Variants in LRATD2 observed in about 807,000 individuals in gnomAD.
LRATD2 encodes LRAT domain containing 2.
LRATD2 carries 10 observed loss-of-function variants against 12.0 expected under a neutral mutation model. The ratio of observed to expected loss-of-function variants is 0.83; its 90% CI spans 0.51 to 1.41. The LOEUF is 1.41. Among genes scored for constraint, LRATD2 ranks in the 40% most tolerant of loss-of-function variants. The probability of loss-of-function intolerance (pLI) is 0.00; values close to 1 mark genes in which losing one functional copy is unlikely to be tolerated. For missense variants in LRATD2, 455 were observed against 446.1 expected, an observed-to-expected ratio of 1.02 and a Z score of -0.18; for synonymous variants, 220 against 205.8, an observed-to-expected ratio of 1.07 and a Z score of -0.59.
rs1379277744 is a variant in LRATD2 at position 126,556,399 on chromosome 8, G to C, written c.*58C>G. ...AGAGGGAGGAAGAGAGGGAGAAAGG[G>C]AGCAGCGGCTGCTACTGCAAACAGT... On this transcript the variant is annotated 3_prime_UTR_variant, in exon 2 of 2. Transcript: ENST00000304916. The surrounding 1 kb of genome is among the most constrained non-coding windows in gnomAD (Gnocchi z 5.6). 1.0e-5 allele frequency: 15 copies of C among 1,475,460 alleles called. No individual in the cohort carries two copies. The highest frequency in any genetic ancestry group is 1.5e-5 in the African/African-American group (1 of 68,584). 91.4% of individuals were successfully genotyped at this position (1,475,460 alleles called of 1,614,324 possible).
chr8:126,556,927 G>C lies in LRATD2; in HGVS notation c.463C>G (p.Leu155Val). 6.2e-7 allele frequency: 1 copy of C among 1,610,256 alleles called. No individual in the cohort carries two copies. The highest frequency in any genetic ancestry group is 8.5e-7 in the Non-Finnish European group (1 of 1,179,964). The change falls in exon 2 of 2, where the codon CTG becomes GTG. Residue 155 changes from leucine to valine, a missense_variant. Transcript: ENST00000304916. The surrounding 1 kb of genome is among the most constrained non-coding windows in gnomAD (Gnocchi z 5.6). Reference sequence around the variant, plus strand: ...CGACGGCCCTGGCTGGCGTCAGTCAGGAAGCTGTTAATCACCTCCAGCCGG... The same window carrying C: ...CGACGGCCCTGGCTGGCGTCAGTCACGAAGCTGTTAATCACCTCCAGCCGG... ...LHRLEVINSF[L>V]TDASQGRRGR...
chr8:126,558,445 G>A lies in LRATD2; in HGVS notation c.-508C>T, dbSNP rs1182529048. ...TAGATCCGGCTCCGGGCTCCCGGGCGGGAGCGCAGCCCGTGGCATTTAAAG... is the reference window on the plus strand; with the variant it reads ...TAGATCCGGCTCCGGGCTCCCGGGCAGGAGCGCAGCCCGTGGCATTTAAAG... On this transcript the variant is annotated 5_prime_UTR_variant, in exon 1 of 2. Coordinates refer to ENST00000304916, the MANE Select transcript of LRATD2 (RefSeq NM_174911.5). 1 of 152,146 alleles carries A rather than the reference G, an allele frequency of 6.6e-6. No individual in the cohort carries two copies. The highest frequency in any genetic ancestry group is 2.4e-5 in the African/African-American group (1 of 41,436). The allele number at this position is 152,146 out of a possible 1,614,324, so 9.4% of individuals were successfully genotyped here.
chr8:126,553,766 A>AT lies in LRATD2; in HGVS notation c.*2690dup, dbSNP rs926412834. 6 of 152,200 alleles carry AT rather than the reference A, an allele frequency of 3.9e-5. No homozygotes were observed. Among genetic ancestry groups the AT allele is most frequent in the Non-Finnish European group, 7.4e-5 (5 of 68,026 alleles). The allele number at this position is 152,200 out of a possible 1,614,324, so 9.4% of individuals were successfully genotyped here. On this transcript the variant is annotated 3_prime_UTR_variant, in exon 2 of 2. Coordinates refer to ENST00000304916, the MANE Select transcript of LRATD2 (RefSeq NM_174911.5). ...TCTGGTACCCTGTAGAAACGCTTGT[A>AT]TTACATGGGAAAGCAGCATCTGAAA...
chr8:126,557,116 T>A lies in LRATD2; in HGVS notation c.274A>T (p.Ile92Phe). Residue 92 changes from isoleucine (I) to phenylalanine (F), a missense_variant, in exon 2 of 2, where the codon ATC (isoleucine) becomes TTC (phenylalanine). Physicochemically the swap from Ile to Phe is conservative, Grantham distance 21. Transcript: ENST00000304916. The surrounding 1 kb of genome is among the most constrained non-coding windows in gnomAD (Gnocchi z 5.3). ...ECSVFYRDEC[I>F]YQKSFAPGSA... ...CCCGGCGCGAAGCTCTTCTGGTAGA[T>A]GCATTCGTCCCGGTAGAACACGGAG... The A allele has an allele frequency of 6.2e-7, 1 of 1,612,582 alleles. No individual in the cohort carries two copies. The highest frequency in any genetic ancestry group is 8.5e-7 in the Non-Finnish European group (1 of 1,179,974).
rs1294154910 is a variant in LRATD2, at chr8:126,556,613, C to A, written c.777G>T (p.Gln259His). The change falls in exon 2 of 2, where the codon CAG becomes CAT. Residue 259 changes from glutamine to histidine, a missense_variant. Physicochemically the swap from Gln to His is conservative, Grantham distance 24. Transcript: ENST00000304916. The surrounding 1 kb of genome is among the most constrained non-coding windows in gnomAD (Gnocchi z 5.6). The stretch of plus-strand genomic sequence containing the variant: ...CCTGCAGCACGGCCGCGCGCCCGAT[C>A]TGGTCGTTGCGTCGCTTCTCCATGA... ...DLIMEKRRND[Q>H]IGRAAVLQEL... 11 of 1,610,994 alleles carry A rather than the reference C, an allele frequency of 6.8e-6. No homozygotes were observed. The highest frequency in any genetic ancestry group is 7.6e-6 in the Non-Finnish European group (9 of 1,178,840).
In LRATD2 at chr8:126,557,129, G is replaced by A; in HGVS notation, c.261C>T (p.Tyr87=). 2 of 1,612,654 alleles carry A rather than the reference G, an allele frequency of 1.2e-6. No homozygotes were observed. Among genetic ancestry groups the A allele is most frequent in the Non-Finnish European group, 1.7e-6 (2 of 1,179,942 alleles). ...RLHEVECSVF[Y]RDECIYQKSF... is the part of the protein sequence containing the mutation. Reference sequence around the variant, plus strand: ...TCTTCTGGTAGATGCATTCGTCCCGGTAGAACACGGAGCATTCCACCTCGT... The same window carrying A: ...TCTTCTGGTAGATGCATTCGTCCCGATAGAACACGGAGCATTCCACCTCGT... The change falls in exon 2 of 2, where the codon TAC becomes TAT. Residue 87 remains tyrosine, a synonymous_variant. Coordinates refer to ENST00000304916, the MANE Select transcript of LRATD2 (RefSeq NM_174911.5). The surrounding 1 kb of genome is among the most constrained non-coding windows in gnomAD (Gnocchi z 5.3).
In LRATD2 at chr8:126,557,506, G is replaced by A; in HGVS notation, c.-96-21C>T. Reference sequence around the variant, plus strand: ...GCTACCTGTTGGGAGAGGAAGGCAAGAAAGCCATGCAGGAGCCCCTCCGTG... The same window carrying A: ...GCTACCTGTTGGGAGAGGAAGGCAAAAAAGCCATGCAGGAGCCCCTCCGTG... On this transcript the variant is annotated intron_variant, in intron 1 of 1. Transcript: ENST00000304916. The surrounding 1 kb of genome is among the most constrained non-coding windows in gnomAD (Gnocchi z 5.3). 1 of 1,171,092 alleles carries A rather than the reference G, an allele frequency of 8.5e-7. No homozygotes were observed. The highest frequency in any genetic ancestry group is 1.2e-6 in the Non-Finnish European group (1 of 831,100). 72.5% of individuals were successfully genotyped at this position (1,171,092 alleles called of 1,614,324 possible).
Position 126,557,075 on chromosome 8 carries a change from A to G in LRATD2, c.315T>C (p.Ser105=), listed in dbSNP as rs1312984546. The G allele has an allele frequency of 1.1e-5, 18 of 1,609,882 alleles. No homozygotes were observed. Among genetic ancestry groups the G allele is most frequent in the Non-Finnish European group, 1.5e-5 (18 of 1,179,932 alleles). The stretch of plus-strand genomic sequence containing the variant: ...TGAGCAGGTTCTCGGGCGTGTAGGT[A>G]CTCAGCGCCGCCGAGCCCGGCGCGA... ...KSFAPGSAAL[S]TYTPENLLNK... The change falls in exon 2 of 2, where the codon AGT becomes AGC. Residue 105 remains serine, a synonymous_variant. Coordinates refer to ENST00000304916, the MANE Select transcript of LRATD2 (RefSeq NM_174911.5). This position sits in a 1 kb window ranked among gnomAD's most constrained non-coding sequence, Gnocchi z 5.3.
At position 126,554,282 on chromosome 8, in the gene LRATD2, C is replaced by G. The variant is rs952173829; in HGVS notation, c.*2175G>C. On this transcript the variant is annotated 3_prime_UTR_variant, in exon 2 of 2. Coordinates refer to ENST00000304916, the MANE Select transcript of LRATD2 (RefSeq NM_174911.5). ...TCAGCCTCCCAAAGTGCTGGGATTA[C>G]AGGCATGAGCCACTGTGCCCGGCCT... The G allele has an allele frequency of 6.6e-6, 1 of 152,340 alleles. No homozygotes were observed. The highest frequency in any genetic ancestry group is 2.4e-5 in the African/African-American group (1 of 41,478). 9.4% of individuals were successfully genotyped at this position (152,340 alleles called of 1,614,324 possible). A position where few individuals can be genotyped will look rare whatever the true frequency, so the allele number is the denominator to read the frequency against.
rs1005247000 is a variant in LRATD2, at chr8:126,556,311, G to A, written c.*146C>T. 23 of 944,624 alleles carry A rather than the reference G, an allele frequency of 2.4e-5. No individual in the cohort carries two copies. The highest frequency in any genetic ancestry group is 1.2e-4 in the African/African-American group (7 of 57,130). The allele number at this position is 944,624 out of a possible 1,614,324, so 58.5% of individuals were successfully genotyped here. Reference sequence around the variant, plus strand: ...TCCTCCCCCGTCCACAGCCGGCTGCGCATTTCACCAACTCTTTTCCAAAGG... The same window carrying A: ...TCCTCCCCCGTCCACAGCCGGCTGCACATTTCACCAACTCTTTTCCAAAGG... On this transcript the variant is annotated 3_prime_UTR_variant, in exon 2 of 2. Transcript: ENST00000304916. The surrounding 1 kb of genome is among the most constrained non-coding windows in gnomAD (Gnocchi z 5.6).
rs1817462122 is a variant in LRATD2, at chr8:126,557,972, C to G, written c.-97+62G>C. On this transcript the variant is annotated intron_variant, in intron 1 of 1. Coordinates refer to ENST00000304916, the MANE Select transcript of LRATD2 (RefSeq NM_174911.5). This position sits in a 1 kb window ranked among gnomAD's most constrained non-coding sequence, Gnocchi z 5.3. ...TGGCTCACCTGCAGCGCTACCTCCT[C>G]CCGGCTCGCCCGCCCTTCCCCCGCG... is the stretch of plus-strand genomic sequence containing the variant. The G allele has an allele frequency of 6.5e-6, 1 of 152,780 alleles. No homozygotes were observed. The highest frequency in any genetic ancestry group is 1.5e-5 in the Non-Finnish European group (1 of 68,518). The allele number at this position is 152,780 out of a possible 1,614,324, so 9.5% of individuals were successfully genotyped here.
At position 126,557,747 on chromosome 8, in the gene LRATD2, C is replaced by T; in HGVS notation, c.-96-262G>A. The T allele has an allele frequency of 4.1e-6, 1 of 241,522 alleles. No homozygotes were observed. Among genetic ancestry groups the T allele is most frequent in the Non-Finnish European group, 7.9e-6 (1 of 126,982 alleles). The allele number at this position is 241,522 out of a possible 1,614,324, so 15.0% of individuals were successfully genotyped here. A position where few individuals can be genotyped will look rare whatever the true frequency, so the allele number is the denominator to read the frequency against. On this transcript the variant is annotated intron_variant, in intron 1 of 1. Transcript: ENST00000304916. The surrounding 1 kb of genome is among the most constrained non-coding windows in gnomAD (Gnocchi z 5.3). ...CAGCAGCTTCTACTGCTTCCGCCTG[C>T]GCCCTACCTGCCAAGCTTGGGCAGG...
Position 126,556,546 on chromosome 8 carries a change from C to T in LRATD2, c.844G>A (p.Asp282Asn), listed in dbSNP as rs374699943. 6 of 1,604,340 alleles carry T rather than the reference C, an allele frequency of 3.7e-6. No homozygotes were observed. In the South Asian group the frequency reaches 4.5e-5, roughly 12 times the overall value. Residue 282 changes from aspartate to asparagine, a missense_variant, in exon 2 of 2, where the codon GAC (aspartate) becomes AAC (asparagine). Asp to Asn is a conservative substitution (Grantham distance 23). Coordinates refer to ENST00000304916, the MANE Select transcript of LRATD2 (RefSeq NM_174911.5). The surrounding 1 kb of genome is among the most constrained non-coding windows in gnomAD (Gnocchi z 5.6). ...HLHPAEPEEG[D>N]SNVARTTPPP... ...GGCGTAGTCCGCGCCACGTTGCTGT[C>T]GCCCTCCTCCGGCTCCGCCGGGTGC... is the stretch of plus-strand genomic sequence containing the variant.
chr8:126,557,339 G>C lies in LRATD2; in HGVS notation c.51C>G (p.Pro17=). The change falls in exon 2 of 2, where the codon CCC becomes CCG. Residue 17 remains proline, a synonymous_variant. Transcript: ENST00000304916. This position sits in a 1 kb window ranked among gnomAD's most constrained non-coding sequence, Gnocchi z 5.3. ...GGTCCACGCCAGTCGGGTCGGCCGT[G>C]GGAACTTCCTTGTAACTTAGGTGGG... ...KLTHLSYKEV[P]TADPTGVDRD... is the part of the protein sequence containing the mutation. 6.2e-7 allele frequency: 1 copy of C among 1,613,846 alleles called. No homozygotes were observed. Among genetic ancestry groups the C allele is most frequent in the Non-Finnish European group, 8.5e-7 (1 of 1,179,986 alleles).
In LRATD2 at chr8:126,556,775, G is replaced by A; in HGVS notation, c.615C>T (p.Ala205=). 1 of 1,597,274 alleles carries A rather than the reference G, an allele frequency of 6.3e-7. No individual in the cohort carries two copies. The change falls in exon 2 of 2, where the codon GCC becomes GCT. Residue 205 remains alanine (A), a synonymous_variant. Coordinates refer to ENST00000304916, the MANE Select transcript of LRATD2 (RefSeq NM_174911.5). The surrounding 1 kb of genome is among the most constrained non-coding windows in gnomAD (Gnocchi z 5.6). ...CGCGCTTGCCGTAGCGGCACCAGGC[G>A]GCGAAACTCTCCGAGTTGCGCCAGC... ...ELSWRNSESF[A]AWCRYGKREF...
At position 126,556,055 on chromosome 8, in the gene LRATD2, A is replaced by G. The variant is rs1221927507; in HGVS notation, c.*402T>C. ...AACCCACTCTGGCCTTTCTACCAGGATTCTTCCAAGCCCAGGATAGGAAGC... is the reference window on the plus strand; with the variant it reads ...AACCCACTCTGGCCTTTCTACCAGGGTTCTTCCAAGCCCAGGATAGGAAGC... On this transcript the variant is annotated 3_prime_UTR_variant, in exon 2 of 2. Coordinates refer to ENST00000304916, the MANE Select transcript of LRATD2 (RefSeq NM_174911.5). This position sits in a 1 kb window ranked among gnomAD's most constrained non-coding sequence, Gnocchi z 5.6. The G allele has an allele frequency of 5.0e-6, 1 of 201,948 alleles. No individual in the cohort carries two copies. Among genetic ancestry groups the G allele is most frequent in the Admixed American group, 6.1e-5 (1 of 16,316 alleles). 12.5% of individuals were successfully genotyped at this position (201,948 alleles called of 1,614,324 possible).
Position 126,557,110 on chromosome 8 carries a change from G to T in LRATD2, c.280C>A (p.Gln94Lys). The change falls in exon 2 of 2, where the codon CAG becomes AAG. Residue 94 changes from glutamine (Q) to lysine (K), a missense_variant. Gln to Lys is a moderately conservative substitution (Grantham distance 53). Coordinates refer to ENST00000304916, the MANE Select transcript of LRATD2 (RefSeq NM_174911.5). This position sits in a 1 kb window ranked among gnomAD's most constrained non-coding sequence, Gnocchi z 5.3. Reference protein sequence around the residue: ...SVFYRDECIYQKSFAPGSAAL... With the variant: ...SVFYRDECIYKKSFAPGSAAL... ...GCCGAGCCCGGCGCGAAGCTCTTCT[G>T]GTAGATGCATTCGTCCCGGTAGAAC... The T allele has an allele frequency of 2.5e-6, 4 of 1,612,512 alleles. No individual in the cohort carries two copies. Among genetic ancestry groups the T allele is most frequent in the Non-Finnish European group, 3.4e-6 (4 of 1,179,992 alleles).
chr8:126,557,618 T>TC lies in LRATD2; in HGVS notation c.-96-134dup. 1.8e-6 allele frequency: 1 copy of TC among 565,266 alleles called. No homozygotes were observed. The highest frequency in any genetic ancestry group is 3.1e-6 in the Non-Finnish European group (1 of 323,104). 35.0% of individuals were successfully genotyped at this position (565,266 alleles called of 1,614,324 possible). ...GGGAAGTCTCGGGTGTAGCGAGCTT[T>TC]CCCTCGTTTCTCCACCTGTAAGGTC... On this transcript the variant is annotated intron_variant, in intron 1 of 1. Transcript: ENST00000304916. This position sits in a 1 kb window ranked among gnomAD's most constrained non-coding sequence, Gnocchi z 5.3.
Position 126,556,347 on chromosome 8 carries a change from C to T in LRATD2, c.*110G>A. ...ACTCTTTTCCAAAGGGCCCAGGAAT[C>T]CCAGATGGGGCCCAGACAGTGGCAA... On this transcript the variant is annotated 3_prime_UTR_variant, in exon 2 of 2. Coordinates refer to ENST00000304916, the MANE Select transcript of LRATD2 (RefSeq NM_174911.5). The surrounding 1 kb of genome is among the most constrained non-coding windows in gnomAD (Gnocchi z 5.6). 1 of 1,289,990 alleles carries T rather than the reference C, an allele frequency of 7.8e-7. No individual in the cohort carries two copies. The highest frequency in any genetic ancestry group is 1.0e-6 in the Non-Finnish European group (1 of 969,354). 79.9% of individuals were successfully genotyped at this position (1,289,990 alleles called of 1,614,324 possible).
Sources: allele counts gnomAD v4.1 joint callset, GRCh38; gene constraint gnomAD v4.1.1; non-coding constraint Gnocchi (gnomAD v3.1); transcripts MANE v1.5; gene names NCBI Gene and HGNC (gene_info 2026-07-23, HGNC 2026-07-21).